ITGAD: variants seen among roughly 807,000 people sequenced by gnomAD.
ITGAD encodes integrin alpha-D.
Under a neutral mutation model 139.0 loss-of-function variants are expected in ITGAD, and 105 were observed. The observed-to-expected ratio is 0.76, with a 90% CI of 0.65 to 0.89. The LOEUF is 0.89. Among genes scored for constraint, ITGAD ranks in the 40% least tolerant of loss-of-function variants. The pLI is 0.00. For synonymous variants in ITGAD, 569 were observed against 598.3 expected, an observed-to-expected ratio of 0.95 and a Z score of 0.71; for missense variants, 1,384 against 1,487.3, an observed-to-expected ratio of 0.93 and a Z score of 1.14.
chr16:31,410,545 G>A (rs1367593724), intron 11 of ITGAD, 21 bp downstream of exon 11: 3 of 1,613,252 alleles, frequency 1.9e-6, no homozygotes, highest in Admixed American at 1.7e-5. Context: ...GCCAGGGGTT[G>A]GGGACAGGTT....
rs2081826307 is a variant in ITGAD at position 31,414,395 on chromosome 16, CAG to C, written c.1997-53_1997-52del. 7.6e-6 allele frequency: 12 copies of C among 1,575,698 alleles called. No homozygotes were observed. The South Asian group carries it at 1.4e-4, about 18-fold the overall frequency. On this transcript the variant is annotated intron_variant, in intron 16 of 29. Transcript: ENST00000389202. ...GTATTGCATGAACAAATAATGAAAA[CAG>C]AGCATTCTAGGTTATTTCTGCCTTT...
chr16:31,406,466 C>G (rs1419493669), intron 7 of ITGAD, among the ~76,000 whole-genome samples: 1 of 152,188 alleles, frequency 6.6e-6, no homozygotes, highest in Non-Finnish European at 1.5e-5. Flanking sequence ...GTTTAATCTT[C>G]AGGATAATCT....
intron 17 of ITGAD, 109 bp downstream of exon 17, chr16:31,414,714 G>T: frequency 6.4e-7 from 1 of 1,554,932 alleles, no homozygotes; most frequent in Non-Finnish European, 8.8e-7. Flanking sequence ...TGTTGGGGCT[G>T]GAGAGAGGGA....
At chr16:31,413,982 T>C (rs1389393195) in intron 16 of ITGAD, among the ~76,000 whole-genome samples, 1 of 152,198 alleles carries the variant, frequency 6.6e-6, no homozygotes, top group African/African-American at 2.4e-5. Context: ...TTGGCTTCTT[T>C]CTTAGATTGT....
chr16:31,407,651 A>C lies in ITGAD; in HGVS notation c.841A>C (p.Ile281Leu). The change falls in exon 8 of 30, where the codon ATC becomes CTC. Residue 281 changes from isoleucine to leucine, a missense_variant. Coordinates refer to ENST00000389202, the MANE Select transcript of ITGAD (RefSeq NM_005353.3). Reference sequence around the variant, plus strand: ...CCCCCAGGCAGAGAAGGCTGGCATCATCCGCTACGCTATCGGGGTGCGCCT... The same window carrying C: ...CCCCCAGGCAGAGAAGGCTGGCATCCTCCGCTACGCTATCGGGGTGCGCCT... The part of the protein sequence containing the change: ...VIPQAEKAGI[I>L]RYAIGVGHAF... 6.2e-7 allele frequency: 1 copy of C among 1,614,156 alleles called. No homozygotes were observed. The highest frequency in any genetic ancestry group is 8.5e-7 in the Non-Finnish European group (1 of 1,180,026).
chr16:31,417,772 C>G (rs1033024805), intron 20 of ITGAD, among the ~76,000 whole-genome samples: 1 of 152,026 alleles, frequency 6.6e-6, no homozygotes, highest in Non-Finnish European at 1.5e-5. Context: ...TGGTGAAACC[C>G]CATTTCTACT....
At position 31,412,702 on chromosome 16, in the gene ITGAD, CTTG is replaced by C. The variant is rs1442619484; in HGVS notation, c.1708-132_1708-130del. ...GACTCCTACCTCCTCTTTTCAGGCTCTTGTTGGTGACATCTGTTCACAGCTCAC... is the reference window on the plus strand; with the variant it reads ...GACTCCTACCTCCTCTTTTCAGGCTCTTGGTGACATCTGTTCACAGCTCAC... On this transcript the variant is annotated intron_variant, in intron 14 of 29. Transcript: ENST00000389202. 2.7e-5 allele frequency: 29 copies of C among 1,072,652 alleles called. No homozygotes were observed. In the East Asian group the frequency reaches 6.6e-4, roughly 25 times the overall value. 66.4% of individuals were successfully genotyped at this position (1,072,652 alleles called of 1,614,324 possible).
intron 14 of ITGAD, among the ~76,000 whole-genome samples, 187 bp from the exon 15 acceptor site, chr16:31,412,651 C>T (rs936370608): frequency 1.3e-5 from 2 of 152,212 alleles, no homozygotes; most frequent in African/African-American, 4.8e-5. Flanking sequence ...TCCACTCCTA[C>T]ATCTATTTCT....
At position 31,394,243 on chromosome 16, in the gene ITGAD, T is replaced by C; in HGVS notation, c.39T>C (p.Ala13=). ...CCACCAAATATTCCTCAGTCCTGGC[T>C]TCTTATCATGGATTCAACCTGGATG... is the stretch of plus-strand genomic sequence containing the variant. ...FGTVLLLSVL[A]SYHGFNLDVE... is the part of the protein sequence containing the mutation. Residue 13 remains alanine (A), a synonymous_variant, in exon 2 of 30, where the codon GCT becomes GCC. Transcript: ENST00000389202. 2 of 1,613,120 alleles carry C rather than the reference T, an allele frequency of 1.2e-6. No homozygotes were observed. Among genetic ancestry groups the C allele is most frequent in the Non-Finnish European group, 8.5e-7 (1 of 1,179,246 alleles).
At chr16:31,413,390 C>G in intron 16 of ITGAD, 144 bp downstream of exon 16, 1 of 865,366 alleles carries the variant, frequency 1.2e-6, no homozygotes, top group Non-Finnish European at 1.8e-6. Flanking sequence ...TCATTCTCTC[C>G]CCTCTTCCTC....
At chr16:31,397,967 CA>C (rs2081314114) in intron 5 of ITGAD, 58 bp downstream of exon 5, 1 of 1,336,332 alleles carries the variant, frequency 7.5e-7, no homozygotes, top group Non-Finnish European at 1.0e-6. Context: ...TGAGGGTGAG[CA>C]GGCGTGAGGC....
chr16:31,416,674 A>AG lies in ITGAD; in HGVS notation c.2499+33dup, dbSNP rs759211919. The AG allele has an allele frequency of 1.5e-5, 24 of 1,585,870 alleles. No homozygotes were observed. The Admixed American group carries it at 4.1e-4, about 27-fold the overall frequency. ...AACAACTGCTGTAGGCTCTAGTGGG[A>AG]GGGGGCCTCTCCCCTGCCCTGTAGC... On this transcript the variant is annotated intron_variant, in intron 20 of 29. Transcript: ENST00000389202.
At position 31,413,138 on chromosome 16, in the gene ITGAD, G is replaced by C; in HGVS notation, c.1888G>C (p.Glu630Gln). The stretch of plus-strand genomic sequence containing the variant: ...GGTGGCCATGAGATTCAGCCCTGTG[G>C]AGGTGGCCAAGGCTGTGTACCGGTG... ...VGVAMRFSPV[E>Q]VAKAVYRCWE... The change falls in exon 16 of 30, where the codon GAG becomes CAG. Residue 630 changes from glutamate to glutamine, a missense_variant. Physicochemically the swap from Glu to Gln is conservative, Grantham distance 29. Coordinates refer to ENST00000389202, the MANE Select transcript of ITGAD (RefSeq NM_005353.3). 6.2e-7 allele frequency: 1 copy of C among 1,614,180 alleles called. No homozygotes were observed. The highest frequency in any genetic ancestry group is 8.5e-7 in the Non-Finnish European group (1 of 1,180,022).
At chr16:31,425,969 C>G (rs776775608) in intron 29 of ITGAD, 46 bp from the exon 30 acceptor site, 2 of 1,331,072 alleles carry the variant, frequency 1.5e-6, no homozygotes, top group African/African-American at 2.9e-5. Context: ...GTGTGAGCCA[C>G]CGGGCCCGGA....
In ITGAD at chr16:31,424,449, C is replaced by T. The variant is rs1159617060; in HGVS notation, c.3262-18C>T. ...CTGGGATGGCATGAGGCCGGATGCT[C>T]TCTGATCTCTAAATCAGATGGAGAT... On this transcript the variant is annotated intron_variant, in intron 28 of 29. Coordinates refer to ENST00000389202, the MANE Select transcript of ITGAD (RefSeq NM_005353.3). The T allele has an allele frequency of 1.3e-6, 2 of 1,591,444 alleles. No individual in the cohort carries two copies. Among genetic ancestry groups the T allele is most frequent in the Non-Finnish European group, 8.6e-7 (1 of 1,160,332 alleles).
At chr16:31,409,351 A>C (rs1365167617) in intron 10 of ITGAD, among the ~76,000 whole-genome samples, 3 of 151,876 alleles carry the variant, frequency 2.0e-5, no homozygotes, top group Non-Finnish European at 4.4e-5. Flanking sequence ...AAAAAAACAA[A>C]AACAAACCCA....
chr16:31,408,448 T>A lies in ITGAD; in HGVS notation c.1033T>A (p.Ser345Thr), dbSNP rs1216763003. ...VEGTQSRASS[S>T]FQHEMSQEGF... Reference sequence around the variant, plus strand: ...AGGAACCCAGTCCAGGGCAAGCAGCTCCTTCCAGCACGAGATGTCCCAAGA... The same window carrying A: ...AGGAACCCAGTCCAGGGCAAGCAGCACCTTCCAGCACGAGATGTCCCAAGA... The change falls in exon 10 of 30, where the codon TCC (serine) becomes ACC (threonine). Residue 345 changes from serine (S) to threonine (T), a missense_variant. Transcript: ENST00000389202. The A allele has an allele frequency of 6.2e-7, 1 of 1,614,020 alleles. No homozygotes were observed. Among genetic ancestry groups the A allele is most frequent in the Non-Finnish European group, 8.5e-7 (1 of 1,179,982 alleles).
chr16:31,407,720 TG>T, intron 8 of ITGAD, 45 bp from the exon 9 acceptor site: 1 of 1,613,352 alleles, frequency 6.2e-7, no homozygotes, highest in Non-Finnish European at 8.5e-7. Flanking sequence ...CTCCTTCAGG[TG>T]CAGTGCTGCT....
At chr16:31,408,118 C>T (rs188784066) in intron 9 of ITGAD, among the ~76,000 whole-genome samples, 9 of 152,212 alleles carry the variant, frequency 5.9e-5, no homozygotes, top group Admixed American at 1.3e-4. Flanking sequence ...ATTACAGACA[C>T]GCACCACCAT....
Sources: allele counts gnomAD v4.1 joint callset (sites outside exome capture counted in the v4.1 genomes callset), GRCh38; gene constraint gnomAD v4.1.1; transcripts MANE v1.5; gene names NCBI Gene and HGNC (gene_info 2026-07-23, HGNC 2026-07-21).